KCNIP4: variants seen among roughly 807,000 people sequenced by gnomAD.
The protein encoded by KCNIP4 is Kv channel-interacting protein 4.
A neutral mutation model predicts 34.0 loss-of-function variants in KCNIP4; 12 were observed. That is an observed-to-expected ratio of 0.35 (90% confidence interval 0.23 to 0.57). KCNIP4 has a LOEUF of 0.57. Among genes scored for constraint, KCNIP4 ranks in the 20% least tolerant of loss-of-function variants. The pLI, the probability that KCNIP4 is intolerant of heterozygous loss-of-function variation, is 0.83. For synonymous variants in KCNIP4, 124 were observed against 102.2 expected (o/e 1.21, Z -1.29); for missense variants, 238 against 311.7 (o/e 0.76, Z 1.78).
intron 1 of KCNIP4, among the ~76,000 whole-genome samples, chr4:21,241,481 A>G (rs988052983): frequency 1.3e-5 from 2 of 152,160 alleles, no homozygotes; most frequent in African/African-American, 4.8e-5. Context: ...CTGAGTCACC[A>G]GGTAAGGAAG....
intron 1 of KCNIP4, among the ~76,000 whole-genome samples, chr4:21,032,229 G>C (rs745984344): frequency 1.3e-5 from 2 of 152,072 alleles, no homozygotes; most frequent in African/African-American, 4.8e-5. Context: ...ACATGAGCCC[G>C]GATGGCTTCT....
chr4:20,986,913 T>A (rs1455899879), intron 1 of KCNIP4, among the ~76,000 whole-genome samples: 1 of 145,746 alleles, frequency 6.9e-6, no homozygotes, highest in African/African-American at 2.6e-5. Context: ...CTGCATTAGT[T>A]ACATTTACCA....
intron 1 of KCNIP4, among the ~76,000 whole-genome samples, chr4:21,320,504 T>G (rs1057341122): frequency 1.3e-5 from 2 of 152,148 alleles, no homozygotes; most frequent in African/African-American, 4.8e-5. Flanking sequence ...GGTGAGATCT[T>G]ATATGTGTTT....
chr4:21,028,936 G>T (rs2149760448), intron 1 of KCNIP4, among the ~76,000 whole-genome samples: 1 of 152,296 alleles, frequency 6.6e-6, no homozygotes, highest in African/African-American at 2.4e-5. Context: ...TCTACCTAAA[G>T]TATTTCCATA....
intron 1 of KCNIP4, among the ~76,000 whole-genome samples, chr4:21,927,733 G>A (rs931865347): frequency 5.9e-5 from 9 of 152,080 alleles, no homozygotes; most frequent in South Asian, 2.1e-4. Flanking sequence ...TGTGGGAGAT[G>A]TATCAGTCTT....
At position 21,927,520 on chromosome 4, in the gene KCNIP4, C is replaced by T. The variant is rs1007877256; in HGVS notation, c.61+21051G>A. Among the ~76,000 whole-genome samples, 10 of 152,148 alleles carry T rather than the reference C, an allele frequency of 6.6e-5. No homozygotes were observed. In the East Asian group the frequency reaches 7.7e-4, roughly 12 times the overall value. On this transcript the variant is annotated intron_variant, in intron 1 of 8. Coordinates refer to ENST00000382152, the MANE Select transcript of KCNIP4 (RefSeq NM_025221.6). ...AGCAGAGGAGGCCTAGAAATTAGAG[C>T]GCAAAAGTGAGAGCTCCTGGAGACC...
At chr4:21,808,934 G>A (rs1721461583) in intron 1 of KCNIP4, among the ~76,000 whole-genome samples, 1 of 152,140 alleles carries the variant, frequency 6.6e-6, no homozygotes, top group East Asian at 1.9e-4. Flanking sequence ...GACACACCAT[G>A]CCAGGCTTCA....
chr4:21,023,615 C>A (rs997906213), intron 1 of KCNIP4, among the ~76,000 whole-genome samples: 1 of 152,090 alleles, frequency 6.6e-6, no homozygotes, highest in Non-Finnish European at 1.5e-5. Context: ...ATCAAACTCA[C>A]AATGAGGGCC....
At chr4:21,547,487 A>G (rs954844151) in intron 1 of KCNIP4, among the ~76,000 whole-genome samples, 3 of 152,080 alleles carry the variant, frequency 2.0e-5, no homozygotes, top group Non-Finnish European at 4.4e-5. Flanking sequence ...AGGCTCTTAT[A>G]TGATAATATT....
At chr4:21,424,193 G>T (rs1238848393) in intron 1 of KCNIP4, among the ~76,000 whole-genome samples, 5 of 151,944 alleles carry the variant, frequency 3.3e-5, no homozygotes, top group Non-Finnish European at 1.5e-5. Flanking sequence ...ATGCATAAAA[G>T]CACATTTACC....
intron 1 of KCNIP4, among the ~76,000 whole-genome samples, chr4:21,739,543 A>T (rs762867995): frequency 2.4e-4 from 36 of 152,166 alleles, no homozygotes; most frequent in Non-Finnish European, 4.0e-4. Flanking sequence ...ATGAAAACTT[A>T]TATTGAAAAT....
At chr4:20,772,296 AT>A (rs1755966780) in intron 3 of KCNIP4, among the ~76,000 whole-genome samples, 1 of 152,150 alleles carries the variant, frequency 6.6e-6, no homozygotes. Flanking sequence ...AGTATTCGTT[AT>A]TTGTTCAACA....
At chr4:20,828,386 C>T (rs1314886448) in intron 3 of KCNIP4, among the ~76,000 whole-genome samples, 4 of 152,170 alleles carry the variant, frequency 2.6e-5, no homozygotes, top group Non-Finnish European at 4.4e-5. Flanking sequence ...GAGATCGTGC[C>T]ACTGCACTCC....
At chr4:21,331,127 A>C (rs886508897) in intron 1 of KCNIP4, among the ~76,000 whole-genome samples, 1 of 151,912 alleles carries the variant, frequency 6.6e-6, no homozygotes, top group Admixed American at 6.6e-5. Context: ...TTGACTTTCT[A>C]TTCTCAACTT....
At chr4:21,697,382 A>C (rs1487155807) in intron 1 of KCNIP4, 14 of 1,548,842 alleles carry the variant, frequency 9.0e-6, no homozygotes, top group East Asian at 2.4e-5. Flanking sequence ...TAGTCTGAGA[A>C]GGTACTGGGC....
At chr4:21,699,740 G>A (rs1175049951) in intron 1 of KCNIP4, among the ~76,000 whole-genome samples, 1 of 152,138 alleles carries the variant, frequency 6.6e-6, no homozygotes, top group East Asian at 1.9e-4. Flanking sequence ...AAAGTCCGGG[G>A]CTACAGTATG....
rs149854781 is a variant in KCNIP4, at chr4:20,821,880, A to ATC, written c.288+28661_288+28662dup. Among the ~76,000 whole-genome samples, 433 of 150,198 alleles carry ATC rather than the reference A, an allele frequency of 2.9e-3. 1 individual carries two copies. The highest frequency in any genetic ancestry group is 9.9e-3 in the African/African-American group (404 of 40,980). ...TGTGTGTGTGTGTGTGTATCTATGT[A>ATC]TCTCTCTCTCTCTCTCACACACACA... On this transcript the variant is annotated intron_variant, in intron 3 of 8. Coordinates refer to ENST00000382152, the MANE Select transcript of KCNIP4 (RefSeq NM_025221.6).
At chr4:21,326,237 T>C (rs1013646533) in intron 1 of KCNIP4, among the ~76,000 whole-genome samples, 4 of 151,770 alleles carry the variant, frequency 2.6e-5, no homozygotes, top group Non-Finnish European at 4.4e-5. Context: ...TCTGCCATTT[T>C]AGCTCTAATA....
At chr4:21,817,083 C>A (rs1385614648) in intron 1 of KCNIP4, among the ~76,000 whole-genome samples, 1 of 151,996 alleles carries the variant, frequency 6.6e-6, no homozygotes, top group Non-Finnish European at 1.5e-5. Context: ...CTATTGGTTC[C>A]TTTGCTCTTA....
Sources: gnomAD v4.1 joint callset for allele counts (sites outside exome capture counted in the v4.1 genomes callset) on GRCh38, gnomAD v4.1.1 for gene constraint, MANE v1.5 for transcripts, NCBI Gene and HGNC (gene_info 2026-07-23, HGNC 2026-07-21) for gene names.